SGO1: variants seen among roughly 807,000 people sequenced by gnomAD.
SGO1 encodes serologically defined breast cancer antigen NY-BR-85.
A neutral mutation model predicts 50.5 loss-of-function variants in SGO1; 39 were observed. That is an observed-to-expected ratio of 0.77 (90% confidence interval 0.60 to 1.01). The LOEUF is 1.01. Among genes scored for constraint, SGO1 ranks in the 50% least tolerant of loss-of-function variants. The pLI, the probability that SGO1 is intolerant of heterozygous loss-of-function variation, is 0.00. For synonymous variants in SGO1, 191 were observed against 205.1 expected (o/e 0.93, Z 0.59); for missense variants, 638 against 606.0 (o/e 1.05, Z -0.55).
intron 8 of SGO1, among the ~76,000 whole-genome samples, chr3:20,162,740 CAATA>C: frequency 6.8e-6 from 1 of 147,488 alleles, no homozygotes; most frequent in Non-Finnish European, 1.5e-5. Context: ...AACATGAACA[CAATA>C]AAGAGACAAA....
chr3:20,178,003 G>T (rs951002933), intron 4 of SGO1, among the ~76,000 whole-genome samples: 8 of 152,038 alleles, frequency 5.3e-5, no homozygotes, highest in Non-Finnish European at 1.0e-4. Flanking sequence ...ATGACTGAAG[G>T]AAAGTATGAA....
chr3:20,169,647 A>C lies in SGO1; in HGVS notation c.*1057T>G. The C allele has an allele frequency of 1.0e-6, 1 of 976,012 alleles. No homozygotes were observed. The highest frequency in any genetic ancestry group is 1.2e-6 in the Non-Finnish European group (1 of 821,368). 60.5% of individuals were successfully genotyped at this position (976,012 alleles called of 1,614,324 possible). ...AAAACCCTAAATATTCACACATTTA[A>C]TCTCTGAGATTTCTGACTAAATAAG... is the stretch of plus-strand genomic sequence containing the variant. On this transcript the variant is annotated 3_prime_UTR_variant, in exon 8 of 8. Coordinates refer to ENST00000412997, the MANE Select transcript of SGO1 (RefSeq NM_001199251.3).
chr3:20,185,871 T>C (rs1702606011), intron 1 of SGO1, 77 bp downstream of exon 1: 1 of 152,308 alleles, frequency 6.6e-6, no homozygotes, highest in Admixed American at 6.5e-5. Flanking sequence ...CGGCCCGAGC[T>C]TTCGGCCACC....
Position 20,174,275 on chromosome 3 carries a change from C to T in SGO1, c.1256G>A (p.Gly419Asp), listed in dbSNP as rs753677560. Residue 419 changes from glycine (G) to aspartate (D), a missense_variant, in exon 6 of 8, where the codon GGT becomes GAT. By Grantham distance (94) the Gly-to-Asp change is moderately conservative. Transcript: ENST00000412997. ...GGTAGGAGTTTTTGTTGGCTTAGAA[C>T]CCTCCGTCTCTTTTTCATCTGTGTA... ...LKYTDEKETE[G>D]SKPTKTPTTT... 1.2e-5 allele frequency: 19 copies of T among 1,613,914 alleles called. No individual in the cohort carries two copies. The highest frequency in any genetic ancestry group is 5.3e-5 in the African/African-American group (4 of 74,898).
chr3:20,166,842 CAAAAAAAAAAAAAAA>C (rs58288144), downstream of SGO1, among the ~76,000 whole-genome samples: 4 of 42,752 alleles, frequency 9.4e-5, no homozygotes, highest in East Asian at 6.8e-4. Flanking sequence ...CCATCTCTAC[CAAAAAAAAAAAAAAA>C]AAAAAAAAAA....
chr3:20,173,206 A>G (rs1015307698), intron 6 of SGO1, among the ~76,000 whole-genome samples: 1 of 151,064 alleles, frequency 6.6e-6, no homozygotes, highest in African/African-American at 2.4e-5. Context: ...GTCTCGGCTC[A>G]CTGCAACCTC....
intron 3 of SGO1, among the ~76,000 whole-genome samples, chr3:20,183,124 A>G (rs1702217479): frequency 6.6e-6 from 1 of 152,238 alleles, no homozygotes; most frequent in South Asian, 2.1e-4. Flanking sequence ...TTCTCCAAAA[A>G]GCACTTAAAT....
intron 7 of SGO1, 70 bp from the exon 8 acceptor site, chr3:20,170,885 G>C (rs978025749): frequency 2.6e-6 from 4 of 1,530,800 alleles, no homozygotes; most frequent in African/African-American, 1.4e-5. Context: ...TCCCTACCAA[G>C]TTATGGTAAA....
At chr3:20,181,815 T>G (rs985944593) in intron 3 of SGO1, among the ~76,000 whole-genome samples, 3 of 152,232 alleles carry the variant, frequency 2.0e-5, no homozygotes, top group Admixed American at 2.0e-4. Flanking sequence ...CCTGGCACAG[T>G]GGCTCATGCC....
chr3:20,179,369 G>A (rs1479299232), intron 3 of SGO1, among the ~76,000 whole-genome samples: 2 of 152,142 alleles, frequency 1.3e-5, no homozygotes, highest in African/African-American at 4.8e-5. Context: ...GGAGGCATCA[G>A]CAGACAGACA....
intron 3 of SGO1, among the ~76,000 whole-genome samples, chr3:20,181,282 C>T (rs1198388609): frequency 6.6e-6 from 1 of 152,126 alleles, no homozygotes; most frequent in African/African-American, 2.4e-5. Flanking sequence ...AACTTAAAAA[C>T]AAGTCATTGA....
intron 8 of SGO1, among the ~76,000 whole-genome samples, chr3:20,162,763 A>T (rs1020584268): frequency 6.7e-6 from 1 of 148,388 alleles, no homozygotes; most frequent in Non-Finnish European, 1.5e-5. Context: ...AATAAAATAT[A>T]TATATAAAAT....
At chr3:20,171,803 G>A (rs1467493743) in intron 6 of SGO1, among the ~76,000 whole-genome samples, 2 of 152,138 alleles carry the variant, frequency 1.3e-5, no homozygotes, top group East Asian at 3.9e-4. Flanking sequence ...CAGCCTCTGT[G>A]TACACCAGGA....
downstream of SGO1, chr3:20,169,322 CA>C (rs1040242856): frequency 3.1e-6 from 3 of 983,044 alleles, no homozygotes; most frequent in South Asian, 9.4e-5. Context: ...AGTTTTATAG[CA>C]ATGACTACTG....
chr3:20,176,538 T>TTA (rs1313510251), intron 5 of SGO1, 63 bp downstream of exon 5: 23 of 979,542 alleles, frequency 2.3e-5, no homozygotes, highest in Non-Finnish European at 3.4e-5. Context: ...TTTAATTGTA[T>TTA]TATTTGTTCT....
Position 20,174,501 on chromosome 3 carries a change from G to A in SGO1, c.1030C>T (p.His344Tyr), listed in dbSNP as rs1448343882. 2 of 1,614,070 alleles carry A rather than the reference G, an allele frequency of 1.2e-6. No homozygotes were observed. Among genetic ancestry groups the A allele is most frequent in the East Asian group, 2.2e-5 (1 of 44,870 alleles). ...ACTTTTTGTCGGAAAGGAGTAAGATGAACACCCTCTTCCAAATTAAAATTG... is the reference window on the plus strand; with the variant it reads ...ACTTTTTGTCGGAAAGGAGTAAGATAAACACCCTCTTCCAAATTAAAATTG... Reference protein sequence around the residue: ...AYNFNLEEGVHLTPFRQKVSN... With the variant: ...AYNFNLEEGVYLTPFRQKVSN... Residue 344 changes from histidine to tyrosine, a missense_variant, in exon 6 of 8, where the codon CAT becomes TAT. By Grantham distance (83) the His-to-Tyr change is moderately conservative. Transcript: ENST00000412997.
intron 3 of SGO1, among the ~76,000 whole-genome samples, chr3:20,183,036 G>C (rs1702209173): frequency 6.6e-6 from 1 of 151,900 alleles, no homozygotes; most frequent in African/African-American, 2.4e-5. Flanking sequence ...AAAAATATTT[G>C]AGCAGCAAAT....
chr3:20,161,063 A>G (rs756500440), exon 9 of SGO1: 1 of 1,612,710 alleles, frequency 6.2e-7, no homozygotes, highest in Non-Finnish European at 8.5e-7. Flanking sequence ...TAGTGAATGC[A>G]TGGACTAAAA....
rs1559382843 is a variant in SGO1, at chr3:20,186,161, A to C, written c.-221T>G. ...AGCCCCGCGCACTGGGCCCTCCAGG[A>C]CCGTACCACCGTCCGCCGTCGCCTG... On this transcript the variant is annotated 5_prime_UTR_variant, in exon 1 of 8. Coordinates refer to ENST00000412997, the MANE Select transcript of SGO1 (RefSeq NM_001199251.3). 6.6e-6 allele frequency: 1 copy of C among 152,328 alleles called. No individual in the cohort carries two copies. The highest frequency in any genetic ancestry group is 1.5e-5 in the Non-Finnish European group (1 of 68,158). 9.4% of individuals were successfully genotyped at this position (152,328 alleles called of 1,614,324 possible). A position where few individuals can be genotyped will look rare whatever the true frequency, so the allele number is the denominator to read the frequency against.
Sources: allele counts gnomAD v4.1 joint callset (sites outside exome capture counted in the v4.1 genomes callset), GRCh38; gene constraint gnomAD v4.1.1; transcripts MANE v1.5; gene names NCBI Gene and HGNC (gene_info 2026-07-23, HGNC 2026-07-21).